The following NDRG2 variants were observed in gnomAD, a reference collection of about 807,000 sequenced individuals.
NDRG2 encodes protein NDRG2.
Under a neutral mutation model 58.2 loss-of-function variants are expected in NDRG2, and 34 were observed. The ratio of observed to expected loss-of-function variants is 0.58; its 90% confidence interval spans 0.44 to 0.78. The LOEUF (loss-of-function observed/expected upper bound fraction) is 0.78. NDRG2 is among the 30% of genes least tolerant of loss of function. The probability of loss-of-function intolerance (pLI) is 0.00; values close to 1 mark genes in which losing one functional copy is unlikely to be tolerated. For missense variants in NDRG2, 434 were observed against 471.2 expected, an observed-to-expected ratio of 0.92 and a Z score of 0.73; for synonymous variants, 187 against 175.9, an observed-to-expected ratio of 1.06 and a Z score of -0.50.
intron 1 of NDRG2, chr14:21,033,605 C>T (rs1319688647): frequency 8.5e-6 from 5 of 587,752 alleles, no homozygotes; most frequent in South Asian, 2.0e-5. Flanking sequence ...GAGGTGGGGG[C>T]GAAGAGGGGG....
intron 1 of NDRG2, chr14:21,031,746 A>T (rs1173064945): frequency 3.6e-6 from 3 of 826,372 alleles, no homozygotes; most frequent in Non-Finnish European, 5.7e-6. Context: ...CCACAGCTGT[A>T]TCTGGGCCCT....
upstream of NDRG2, among the ~76,000 whole-genome samples, chr14:21,026,415 A>G (rs1039638370): frequency 5.3e-5 from 8 of 151,040 alleles, no homozygotes; most frequent in Admixed American, 3.3e-4. Context: ...ACAATGGCCA[A>G]TGGAACTTGA....
At chr14:21,047,199 A>T (rs1885218694) in intron 1 of NDRG2, among the ~76,000 whole-genome samples, 1 of 152,204 alleles carries the variant, frequency 6.6e-6, no homozygotes, top group Admixed American at 6.5e-5. Context: ...CATCTTTCTT[A>T]AAAATAATAA....
intron 1 of NDRG2, 96 bp from the exon 2 acceptor site, chr14:21,023,417 G>C (rs1337575312): frequency 1.8e-6 from 2 of 1,121,202 alleles, no homozygotes; most frequent in African/African-American, 1.5e-5. Context: ...AAGATGCAGG[G>C]AACAGAGGGA....
At chr14:21,058,795 C>T (rs1200347320) in intron 1 of NDRG2, among the ~76,000 whole-genome samples, 1 of 152,168 alleles carries the variant, frequency 6.6e-6, no homozygotes, top group Non-Finnish European at 1.5e-5. Context: ...TGCTGTGTTC[C>T]CTGTGTTGGG....
chr14:21,032,747 G>C, intron 1 of NDRG2: 1 of 365,250 alleles, frequency 2.7e-6, no homozygotes, highest in South Asian at 2.1e-5. Context: ...GATGAGGCAG[G>C]CTGCCAGGAT....
Position 21,017,145 on chromosome 14 carries a change from C to A in NDRG2, c.*451G>T. On this transcript the variant is annotated 3_prime_UTR_variant, in exon 16 of 16. Coordinates refer to ENST00000556147, the MANE Select transcript of NDRG2 (RefSeq NM_001320329.2). ...ACACACATTCACGTAGGTCCATACC[C>A]TTCAGAGTCCTAAAGGGTTAATGAG... 2.5e-6 allele frequency: 1 copy of A among 395,406 alleles called. No homozygotes were observed. The highest frequency in any genetic ancestry group is 2.6e-5 in the Admixed American group (1 of 38,412). The allele number at this position is 395,406 out of a possible 1,614,324, so 24.5% of individuals were successfully genotyped here. A position where few individuals can be genotyped will look rare whatever the true frequency, so the allele number is the denominator to read the frequency against.
At chr14:21,042,980 C>A in intron 1 of NDRG2, 3 of 1,605,374 alleles carry the variant, frequency 1.9e-6, no homozygotes, top group Non-Finnish European at 2.6e-6. Context: ...CCTGACTGCT[C>A]CTCCTAAGAG....
intron 6 of NDRG2, chr14:21,021,211 G>A (rs372727378): frequency 2.2e-4 from 90 of 415,874 alleles, no homozygotes; most frequent in African/African-American, 1.1e-3. Context: ...CTAGAGGAAC[G>A]GGAAGAATGG....
chr14:21,038,095 C>CT (rs1884733300), intron 1 of NDRG2, among the ~76,000 whole-genome samples: 1 of 152,186 alleles, frequency 6.6e-6, no homozygotes, highest in Non-Finnish European at 1.5e-5. Context: ...GAAGGATTGC[C>CT]TCAGCCATCT....
At chr14:21,028,447 G>C (rs1287267791), upstream of NDRG2, 1 of 151,918 alleles carries the variant, frequency 6.6e-6, no homozygotes, top group Non-Finnish European at 1.5e-5. Context: ...TTTATCTAGA[G>C]ACAAGGTCTC....
intron 1 of NDRG2, chr14:21,033,245 GA>G (rs1479184398): frequency 3.1e-6 from 1 of 319,760 alleles, no homozygotes; most frequent in East Asian, 8.9e-5. Context: ...TATGAAGGGA[GA>G]AACCATGATT....
chr14:21,057,348 A>C (rs1327624743), intron 1 of NDRG2, among the ~76,000 whole-genome samples: 2 of 151,946 alleles, frequency 1.3e-5, no homozygotes, highest in East Asian at 3.9e-4. Flanking sequence ...AGGCAGGAGA[A>C]TTGCTTGAAC....
At chr14:21,027,746 C>T (rs562724540), upstream of NDRG2, among the ~76,000 whole-genome samples, 1 of 152,290 alleles carries the variant, frequency 6.6e-6, no homozygotes, top group Admixed American at 6.5e-5. Flanking sequence ...TTTCAGAAAT[C>T]CTCACGCCAG....
chr14:21,066,325 G>GT lies in NDRG2; in HGVS notation c.24+4502dup, dbSNP rs71416998. On this transcript the variant is annotated intron_variant, in intron 1 of 14. Transcript: ENST00000403829. ...TTTTTTTTTTGGTTGTGTTTTTTTT[G>GT]TTTTTTTTTTTTGGAGACGGAGTCT... is the stretch of plus-strand genomic sequence containing the variant. 6.5e-3 allele frequency among the ~76,000 whole-genome samples: 920 copies of GT among 142,476 alleles called. 5 individuals carry two copies. Among genetic ancestry groups the GT allele is most frequent in the East Asian group, 0.017 (83 of 4,902 alleles). 93.5% of individuals were successfully genotyped at this position (142,476 alleles called of 152,430 possible).
In NDRG2 at chr14:21,022,201, A is replaced by G; in HGVS notation, c.224-19T>C. On this transcript the variant is annotated intron_variant, in intron 4 of 15. Coordinates refer to ENST00000556147, the MANE Select transcript of NDRG2 (RefSeq NM_001320329.2). ...GATTTATCTAAAGAGAACCCACATC[A>G]CCTCAACAATAGAATCAGACAGGGA... 1 of 1,614,064 alleles carries G rather than the reference A, an allele frequency of 6.2e-7. No homozygotes were observed. Among genetic ancestry groups the G allele is most frequent in the Non-Finnish European group, 8.5e-7 (1 of 1,180,008 alleles).
chr14:21,022,887 G>A lies in NDRG2; in HGVS notation c.94C>T (p.Arg32Ter), dbSNP rs772392281. Residue 32 changes from arginine (R) to a stop codon, truncating the protein, a stop_gained, in exon 3 of 16, where the codon CGA (arginine) becomes TGA (stop). Coordinates refer to ENST00000556147, the MANE Select transcript of NDRG2 (RefSeq NM_001320329.2). LOFTEE classifies it high-confidence loss of function. ...EAAKEAELAA[R>*]ILLDQGQTHS... ...ACCTGTCCCTGGTCCAGGAGGATTCGGGCAGCTAACTCAGCCTCCTGGAGA... is the reference window on the plus strand; with the variant it reads ...ACCTGTCCCTGGTCCAGGAGGATTCAGGCAGCTAACTCAGCCTCCTGGAGA... 1 of 1,613,952 alleles carries A rather than the reference G, an allele frequency of 6.2e-7. No individual in the cohort carries two copies. The highest frequency in any genetic ancestry group is 8.5e-7 in the Non-Finnish European group (1 of 1,179,952).
At position 21,017,768 on chromosome 14, in the gene NDRG2, G is replaced by A. The variant is rs1566450064; in HGVS notation, c.950-6C>T. 4.4e-6 allele frequency: 7 copies of A among 1,601,012 alleles called. No homozygotes were observed. Among genetic ancestry groups the A allele is most frequent in the Non-Finnish European group, 6.0e-6 (7 of 1,173,416 alleles). On this transcript the variant is annotated splice_region_variant and splice_polypyrimidine_tract_variant and intron_variant, in intron 15 of 15. Transcript: ENST00000556147. ...AGTCATGCAGGATGAGGCCACTGTG[G>A]AGACAGCACGATGCACAAGCAGTCA...
chr14:21,040,401 A>G (rs933602294), intron 1 of NDRG2, among the ~76,000 whole-genome samples: 30 of 152,276 alleles, frequency 2.0e-4, no homozygotes, highest in African/African-American at 6.5e-4. Context: ...CAAACTCCCC[A>G]TCCTCCTGAC....
Sources: allele counts gnomAD v4.1 joint callset (sites outside exome capture counted in the v4.1 genomes callset), GRCh38; gene constraint gnomAD v4.1.1; transcripts MANE v1.5; gene names NCBI Gene and HGNC (gene_info 2026-07-23, HGNC 2026-07-21).